CREB5: variants seen among roughly 807,000 people sequenced by gnomAD.
CREB5 encodes cAMP responsive element binding protein 5.
CREB5 carries 19 observed loss-of-function variants against 57.1 expected under a neutral mutation model. The observed-to-expected ratio is 0.33, with a 90% CI of 0.23 to 0.49. CREB5 has a LOEUF of 0.49. Among genes scored for constraint, CREB5 ranks in the 20% least tolerant of loss-of-function variants. CREB5 has a pLI of 0.99. For synonymous variants in CREB5, 238 were observed against 238.3 expected, an observed-to-expected ratio of 1.00 and a Z score of 0.01; for missense variants, 579 against 671.6, an observed-to-expected ratio of 0.86 and a Z score of 1.52.
chr7:28,358,387 T>C (rs968025471), intron 1 of CREB5, among the ~76,000 whole-genome samples: 2 of 152,194 alleles, frequency 1.3e-5, no homozygotes, highest in African/African-American at 4.8e-5. Flanking sequence ...TCTCTGGGAC[T>C]TGACACGGCC....
chr7:28,465,167 A>G lies in CREB5; in HGVS notation c.4-23008A>G, dbSNP rs1790512917. ...CAGCTTCAGGTGAGCTCTAGGGACCATGAGACTCTAGTAGGTACTGTAGAG... is the reference window on the plus strand; with the variant it reads ...CAGCTTCAGGTGAGCTCTAGGGACCGTGAGACTCTAGTAGGTACTGTAGAG... On this transcript the variant is annotated intron_variant, in intron 1 of 10. Coordinates refer to ENST00000357727, the MANE Select transcript of CREB5 (RefSeq NM_182898.4). 4.6e-5 allele frequency among the ~76,000 whole-genome samples: 7 copies of G among 152,238 alleles called. No homozygotes were observed. In the South Asian group the frequency reaches 1.4e-3, roughly 31 times the overall value.
At chr7:28,421,897 A>G (rs1788277676) in intron 1 of CREB5, among the ~76,000 whole-genome samples, 1 of 128,730 alleles carries the variant, frequency 7.8e-6, no homozygotes, top group Non-Finnish European at 1.7e-5. Context: ...AAAATACCAT[A>G]TATATAGAGA....
intron 5 of CREB5, among the ~76,000 whole-genome samples, chr7:28,713,900 GTTA>G (rs1361253022): frequency 3.3e-5 from 5 of 151,880 alleles, no homozygotes; most frequent in Admixed American, 3.3e-4. Context: ...AAGTCCTTAT[GTTA>G]TTATTTTTTC....
At chr7:28,547,862 G>T (rs13228899) in intron 4 of CREB5, among the ~76,000 whole-genome samples, 24,824 of 152,174 alleles carry the variant, frequency 0.16, 2,207 homozygotes, top group East Asian at 0.31. Flanking sequence ...TTCTTATGGG[G>T]TTCCTGGAAT....
chr7:28,330,569 A>G (rs1273766049), intron 1 of CREB5, among the ~76,000 whole-genome samples: 1 of 151,272 alleles, frequency 6.6e-6, no homozygotes, highest in Non-Finnish European at 1.5e-5. Context: ...TTGATGATTC[A>G]TTTAGTTTGT....
intron 5 of CREB5, among the ~76,000 whole-genome samples, chr7:28,704,939 G>T (rs757599411): frequency 1.3e-5 from 2 of 152,144 alleles, no homozygotes; most frequent in Non-Finnish European, 2.9e-5. Context: ...ACTCTTGCTG[G>T]TGTATTCATA....
At chr7:28,667,557 T>C (rs1225294127) in intron 5 of CREB5, among the ~76,000 whole-genome samples, 4 of 151,652 alleles carry the variant, frequency 2.6e-5, no homozygotes, top group Admixed American at 2.6e-4. Context: ...GGGATGGGAA[T>C]CATTCTCTAA....
chr7:28,659,992 A>AG (rs1393493798), intron 5 of CREB5, among the ~76,000 whole-genome samples: 1 of 152,190 alleles, frequency 6.6e-6, no homozygotes, highest in Non-Finnish European at 1.5e-5. Context: ...GTGCTTCCCC[A>AG]GGTCCCTCAG....
intron 1 of CREB5, among the ~76,000 whole-genome samples, chr7:28,447,657 G>A (rs535343976): frequency 6.6e-6 from 1 of 152,220 alleles, no homozygotes; most frequent in East Asian, 1.9e-4. Context: ...GTGTATTGTG[G>A]GAAGTGGTGA....
At chr7:28,736,447 G>A (rs1348174606) in intron 7 of CREB5, among the ~76,000 whole-genome samples, 1 of 152,192 alleles carries the variant, frequency 6.6e-6, no homozygotes, top group East Asian at 1.9e-4. Context: ...GGGATTACAG[G>A]CGTGAGCCAC....
At chr7:28,755,377 C>T (rs964687928) in intron 7 of CREB5, among the ~76,000 whole-genome samples, 1 of 152,156 alleles carries the variant, frequency 6.6e-6, no homozygotes, top group African/African-American at 2.4e-5. Context: ...TGACAGATGA[C>T]CACCTCTCCC....
intron 4 of CREB5, among the ~76,000 whole-genome samples, chr7:28,560,841 T>TGTGCGTGTGCGTGCGC (rs1443960015): frequency 5.3e-5 from 4 of 75,116 alleles, no homozygotes; most frequent in Non-Finnish European, 8.7e-5. Context: ...CGCGTGTGTG[T>TGTGCGTGTGCGTGCGC]GTGCGCGTGT....
At chr7:28,444,466 T>G (rs187240529) in intron 1 of CREB5, among the ~76,000 whole-genome samples, 14 of 152,296 alleles carry the variant, frequency 9.2e-5, no homozygotes, top group Non-Finnish European at 2.9e-5. Context: ...GGTTGGTGGC[T>G]GGAATACCTA....
At chr7:28,684,011 G>C (rs530396726) in intron 5 of CREB5, among the ~76,000 whole-genome samples, 3 of 152,222 alleles carry the variant, frequency 2.0e-5, no homozygotes, top group African/African-American at 7.2e-5. Context: ...GATTTGGGGG[G>C]TAGGGAAGGG....
At chr7:28,584,163 C>A (rs1796227405) in intron 5 of CREB5, among the ~76,000 whole-genome samples, 1 of 152,156 alleles carries the variant, frequency 6.6e-6, no homozygotes, top group Non-Finnish European at 1.5e-5. Flanking sequence ...CAGTGCCCAG[C>A]CCCTGGGACA....
intron 4 of CREB5, among the ~76,000 whole-genome samples, chr7:28,570,039 C>A (rs1003442483): frequency 1.3e-5 from 2 of 152,200 alleles, no homozygotes; most frequent in African/African-American, 4.8e-5. Context: ...CCACAAAAAT[C>A]ATTTTCAAAT....
intron 5 of CREB5, among the ~76,000 whole-genome samples, chr7:28,693,703 A>G (rs1305504639): frequency 1.3e-5 from 2 of 152,196 alleles, no homozygotes; most frequent in South Asian, 2.1e-4. Flanking sequence ...TTGACAATCT[A>G]TTGAAGCTTT....
At chr7:28,445,745 G>A (rs932865905) in intron 1 of CREB5, among the ~76,000 whole-genome samples, 8 of 151,874 alleles carry the variant, frequency 5.3e-5, no homozygotes, top group South Asian at 2.1e-4. Flanking sequence ...TTGAGATGGG[G>A]TTTCACTGTG....
chr7:28,488,984 C>T (rs541680911), intron 2 of CREB5, among the ~76,000 whole-genome samples: 60 of 152,224 alleles, frequency 3.9e-4, no homozygotes, highest in South Asian at 3.3e-3. Context: ...AAACATTCAT[C>T]ACCTAAAATC....
Sources: allele counts gnomAD v4.1 joint callset (sites outside exome capture counted in the v4.1 genomes callset), GRCh38; gene constraint gnomAD v4.1.1; transcripts MANE v1.5; gene names NCBI Gene and HGNC (gene_info 2026-07-23, HGNC 2026-07-21).